Variants in GZMM observed in about 807,000 individuals in gnomAD.
GZMM encodes granzyme M, also known as HU-Met-1.
Under a neutral mutation model 19.2 loss-of-function variants are expected in GZMM, and 23 were observed. The observed-to-expected ratio is 1.20, with a 90% CI of 0.86 to 1.69. The LOEUF is 1.69. Among genes scored for constraint, GZMM ranks in the 40% most tolerant of loss-of-function variants. The pLI, the probability that GZMM is intolerant of heterozygous loss-of-function variation, is 0.00. For synonymous variants in GZMM, 178 were observed against 160.2 expected, an observed-to-expected ratio of 1.11 and a Z score of -0.84; for missense variants, 373 against 352.2, an observed-to-expected ratio of 1.06 and a Z score of -0.47.
At chr19:547,609 G>T (rs535836290) in intron 2 of GZMM, among the ~76,000 whole-genome samples, 173 bp downstream of exon 2, 7 of 152,328 alleles carry the variant, frequency 4.6e-5, no homozygotes, top group Admixed American at 3.9e-4. Context: ...CCTGGAGAAG[G>T]TTTACTCCTT....
intron 1 of GZMM, among the ~76,000 whole-genome samples, chr19:544,734 C>CTACTT (rs1324357045): frequency 6.5e-5 from 7 of 107,832 alleles, no homozygotes; most frequent in African/African-American, 2.4e-4. Context: ...CCCTCCCTCC[C>CTACTT]TCATCTCCCC....
At chr19:544,838 A>G (rs1285465756) in intron 1 of GZMM, among the ~76,000 whole-genome samples, 1 of 122,670 alleles carries the variant, frequency 8.2e-6, no homozygotes, top group Non-Finnish European at 1.7e-5. Flanking sequence ...TGGGTCCATC[A>G]TCCATCCCTC....
rs1555722292 is a variant in GZMM, at chr19:549,728, C to CTG, written c.711_712insTG (p.Val238TrpfsTer26). The CTG allele has an allele frequency of 2.5e-6, 4 of 1,613,576 alleles. No individual in the cohort carries two copies. Among genetic ancestry groups the CTG allele is most frequent in the South Asian group, 2.2e-5 (2 of 91,076 alleles). On this transcript the variant is annotated frameshift_variant, in exon 5 of 5. Transcript: ENST00000264553. LOFTEE classifies it low-confidence loss of function (END_TRUNC). ...TCTGCACTGACATCTTCAAGCCTCC[C>CTG]GTGGCCACCGCTGTGGCGCCTTACG...
chr19:545,737 G>A (rs553698901), intron 1 of GZMM, among the ~76,000 whole-genome samples: 44 of 151,450 alleles, frequency 2.9e-4, no homozygotes, highest in Non-Finnish European at 4.9e-4. Context: ...TCTGCCTCCC[G>A]GGTTCAAGCG....
Position 549,860 on chromosome 19 carries a change from TGGGTGAGGACGGGTGGGA to T in GZMM, c.*73_*90del. ...CTTCCCCTCCAGGGGTGCAGTGGGG[TGGGTGAGGACGGGTGGGA>T]GGGACAGGGAGGGACCAATAAATCA... On this transcript the variant is annotated 3_prime_UTR_variant, in exon 5 of 5. Transcript: ENST00000264553. The T allele has an allele frequency of 7.7e-6, 4 of 521,360 alleles. No individual in the cohort carries two copies. The highest frequency in any genetic ancestry group is 7.3e-6 in the Non-Finnish European group (2 of 274,360). The allele number at this position is 521,360 out of a possible 1,614,324, so 32.3% of individuals were successfully genotyped here. A position where few individuals can be genotyped will look rare whatever the true frequency, so the allele number is the denominator to read the frequency against.
Position 549,083 on chromosome 19 carries a change from G to T in GZMM, c.510G>T (p.Val170=). The T allele has an allele frequency of 1.3e-6, 2 of 1,588,082 alleles. No individual in the cohort carries two copies. The highest frequency in any genetic ancestry group is 1.7e-6 in the Non-Finnish European group (2 of 1,168,446). ...SRVLRELDLQ[V]LDTRMCNNSR... ...TGCTGCGGGAGCTGGACCTCCAAGTGCTGGACACCCGCATGTGTAACAACA... is the reference window on the plus strand; with the variant it reads ...TGCTGCGGGAGCTGGACCTCCAAGTTCTGGACACCCGCATGTGTAACAACA... The change falls in exon 4 of 5, where the codon GTG becomes GTT. Residue 170 remains valine (V), a synonymous_variant. Transcript: ENST00000264553.
chr19:546,889 G>A (rs139998055), intron 1 of GZMM, among the ~76,000 whole-genome samples: 4,815 of 151,654 alleles, frequency 0.032, 262 homozygotes, highest in African/African-American at 0.11. Context: ...TTGCTGTGTC[G>A]CCCAGGCTGG....
chr19:546,410 G>GT (rs1980283565), intron 1 of GZMM, among the ~76,000 whole-genome samples: 1 of 151,844 alleles, frequency 6.6e-6, no homozygotes. Flanking sequence ...ACGTGGTGAT[G>GT]CGCTTCTGTA....
rs539206442 is a variant in GZMM at position 549,620 on chromosome 19, G to A, written c.613-10G>A. On this transcript the variant is annotated splice_polypyrimidine_tract_variant and intron_variant, in intron 4 of 4. Coordinates refer to ENST00000264553, the MANE Select transcript of GZMM (RefSeq NM_005317.4). The stretch of plus-strand genomic sequence containing the variant: ...TGCAGAGGCTGAGCTGCGGTGTGTC[G>A]TCCCTGCAGGGTGACTCGGGCGGGC... 272 of 1,608,356 alleles carry A rather than the reference G, an allele frequency of 1.7e-4. 1 individual carries two copies. The South Asian group carries it at 1.9e-3, about 11-fold the overall frequency.
rs61729587 is a variant in GZMM at position 544,108 on chromosome 19, C to T, written c.37C>T (p.Leu13=). 5.2e-4 allele frequency: 801 copies of T among 1,544,904 alleles called. 4 individuals carry two copies. The African/African-American group carries it at 9.5e-3, about 18-fold the overall frequency. ...CGTGTCTTCACTGCTGGTGCTGGCC[C>T]TGGGGGCCCTGTCAGTAGGTGAGTG... The part of the protein sequence containing the change: ...ACVSSLLVLA[L]GALSVGSSFG... Residue 13 remains leucine (L), a synonymous_variant, in exon 1 of 5, where the codon CTG becomes TTG. Transcript: ENST00000264553.
At chr19:547,483 G>A (rs2070794) in intron 2 of GZMM, 47 bp downstream of exon 2, 103,472 of 1,316,922 alleles carry the variant, frequency 0.079, 4,606 homozygotes, top group Middle Eastern at 0.18. Context: ...GAATCCATCC[G>A]ACGGCGCCCA....
chr19:546,421 A>G (rs1282396736), intron 1 of GZMM, among the ~76,000 whole-genome samples: 1 of 151,428 alleles, frequency 6.6e-6, no homozygotes, highest in African/African-American at 2.4e-5. Context: ...CGCTTCTGTA[A>G]TCCCAGCTAC....
At chr19:549,322 A>C (rs1980423858) in intron 4 of GZMM, 137 bp downstream of exon 4, 1 of 923,590 alleles carries the variant, frequency 1.1e-6, no homozygotes, top group African/African-American at 1.7e-5. Context: ...AAGCACTGGC[A>C]GGGGTCCCGT....
chr19:549,597 C>A, intron 4 of GZMM, 33 bp from the exon 5 acceptor site: 2 of 1,597,784 alleles, frequency 1.3e-6, no homozygotes, highest in East Asian at 2.2e-5. Flanking sequence ...TCAGCAGGTG[C>A]AGAGGCTGAG....
chr19:547,279 G>T lies in GZMM; in HGVS notation c.56-1G>T. ...TGGCTCTTTGTCCCCCATCCTGGCAGGCAGCTCCTTTGGGACCCAGATCAT... is the reference window on the plus strand; with the variant it reads ...TGGCTCTTTGTCCCCCATCCTGGCATGCAGCTCCTTTGGGACCCAGATCAT... On this transcript the variant is annotated splice_acceptor_variant, in intron 1 of 4. Coordinates refer to ENST00000264553, the MANE Select transcript of GZMM (RefSeq NM_005317.4). LOFTEE classifies it high-confidence loss of function. 1.3e-6 allele frequency: 2 copies of T among 1,509,478 alleles called. No homozygotes were observed. Among genetic ancestry groups the T allele is most frequent in the Non-Finnish European group, 8.9e-7 (1 of 1,128,162 alleles). 93.5% of individuals were successfully genotyped at this position (1,509,478 alleles called of 1,614,324 possible). A position where few individuals can be genotyped will look rare whatever the true frequency, so the allele number is the denominator to read the frequency against.
intron 1 of GZMM, among the ~76,000 whole-genome samples, chr19:544,766 T>C (rs1434285580): frequency 6.4e-5 from 7 of 109,164 alleles, no homozygotes; most frequent in Admixed American, 1.1e-4. Flanking sequence ...TACCCGTCCG[T>C]CCACCCATCA....
Position 548,660 on chromosome 19 carries a change from G to T in GZMM, c.331G>T (p.Asp111Tyr), listed in dbSNP as rs757248990. The change falls in exon 3 of 5, where the codon GAC (aspartate) becomes TAC (tyrosine). Residue 111 changes from aspartate to tyrosine, a missense_variant. By Grantham distance (160) the Asp-to-Tyr change is radical (BLOSUM62 -3). Transcript: ENST00000264553. The part of the protein sequence containing the change: ...RYKPVPALEN[D>Y]LALLQLDGKV... ...CAAGCCCGTCCCTGCCCTGGAGAAC[G>T]ACCTCGCGCTGCTTCAGGTGTGCAG... 1 of 1,613,058 alleles carries T rather than the reference G, an allele frequency of 6.2e-7. No homozygotes were observed. Among genetic ancestry groups the T allele is most frequent in the East Asian group, 2.2e-5 (1 of 44,864 alleles).
At chr19:545,574 C>T (rs1241073410) in intron 1 of GZMM, among the ~76,000 whole-genome samples, 3 of 151,604 alleles carry the variant, frequency 2.0e-5, no homozygotes, top group East Asian at 1.9e-4. Context: ...CTCAAACTCC[C>T]AACCTCAGGT....
chr19:547,291 G>T lies in GZMM; in HGVS notation c.67G>T (p.Gly23Trp). The change falls in exon 2 of 5, where the codon GGG becomes TGG. Residue 23 changes from glycine to tryptophan, a missense_variant. Transcript: ENST00000264553. ...CCCCATCCTGGCAGGCAGCTCCTTT[G>T]GGACCCAGATCATCGGGGGCCGGGA... ...LGALSVGSSF[G>W]TQIIGGREVI... 6.5e-7 allele frequency: 1 copy of T among 1,533,640 alleles called. No homozygotes were observed. Among genetic ancestry groups the T allele is most frequent in the South Asian group, 1.2e-5 (1 of 80,368 alleles).
Sources: gnomAD v4.1 joint callset for allele counts (sites outside exome capture counted in the v4.1 genomes callset) on GRCh38, gnomAD v4.1.1 for gene constraint, MANE v1.5 for transcripts, NCBI Gene and HGNC (gene_info 2026-07-23, HGNC 2026-07-21) for gene names.